NUP210: variants seen among roughly 807,000 people sequenced by gnomAD.
NUP210 encodes nuclear pore membrane glycoprotein 210.
Under a neutral mutation model 196.0 loss-of-function variants are expected in NUP210, and 151 were observed. The ratio of observed to expected loss-of-function variants is 0.77; its 90% CI spans 0.67 to 0.88. NUP210 has a LOEUF of 0.88. Among genes scored for constraint, NUP210 ranks in the 40% least tolerant of loss-of-function variants. The probability of loss-of-function intolerance (pLI) is 0.00; values close to 1 mark genes in which losing one functional copy is unlikely to be tolerated. For synonymous variants in NUP210, 1,070 were observed against 1,052.7 expected, an observed-to-expected ratio of 1.02 and a Z score of -0.32; for missense variants, 2,314 against 2,493.7, an observed-to-expected ratio of 0.93 and a Z score of 1.53.
Position 13,339,895 on chromosome 3 carries a change from C to T in NUP210, c.3430G>A (p.Ala1144Thr). The change falls in exon 25 of 40, where the codon GCA (alanine) becomes ACA (threonine). Residue 1144 changes from alanine to threonine, a missense_variant. Physicochemically the swap from Ala to Thr is moderately conservative, Grantham distance 58 (BLOSUM62 0). Coordinates refer to ENST00000254508, the MANE Select transcript of NUP210 (RefSeq NM_024923.4). ...ACCTTGCCGGTCTCTGCATCCACTG[C>T]CTGCACGAGCCCAGACACAGTGCCG... ...GNGTVSGLVQAVDAETGKVVI... is the reference protein window; with the variant it reads ...GNGTVSGLVQTVDAETGKVVI... The T allele has an allele frequency of 6.2e-7, 1 of 1,613,996 alleles. No individual in the cohort carries two copies. Among genetic ancestry groups the T allele is most frequent in the Non-Finnish European group, 8.5e-7 (1 of 1,180,032 alleles).
Position 13,391,315 on chromosome 3 carries a change from A to T in NUP210, c.437-8T>A. 6.3e-7 allele frequency: 1 copy of T among 1,582,486 alleles called. No individual in the cohort carries two copies. On this transcript the variant is annotated splice_region_variant and splice_polypyrimidine_tract_variant and intron_variant, in intron 3 of 39. Transcript: ENST00000254508. ...GAGTGCTGAAGGTGTTCCCTATAAG[A>T]GCAGATGGGAGAGGCAGACAGATAT...
At position 13,358,347 on chromosome 3, in the gene NUP210, G is replaced by C; in HGVS notation, c.2203C>G (p.Pro735Ala). 6.2e-7 allele frequency: 1 copy of C among 1,613,908 alleles called. No homozygotes were observed. The highest frequency in any genetic ancestry group is 8.5e-7 in the Non-Finnish European group (1 of 1,179,918). Residue 735 changes from proline to alanine, a missense_variant, in exon 16 of 40, where the codon CCT becomes GCT. Physicochemically the swap from Pro to Ala is conservative, Grantham distance 27 (BLOSUM62 -1). Coordinates refer to ENST00000254508, the MANE Select transcript of NUP210 (RefSeq NM_024923.4). ...GNKPSLTNPF[P>A]AVEPAVVKFV... Reference sequence around the variant, plus strand: ...TTCACCACGGCAGGCTCCACCGCAGGAAAGGGGTTGGTGAGGCTGGGCTTG... The same window carrying C: ...TTCACCACGGCAGGCTCCACCGCAGCAAAGGGGTTGGTGAGGCTGGGCTTG...
chr3:13,383,692 T>C (rs1051665310), intron 6 of NUP210, among the ~76,000 whole-genome samples: 5 of 151,826 alleles, frequency 3.3e-5, no homozygotes, highest in African/African-American at 1.2e-4. Flanking sequence ...GCCCAGCTAA[T>C]TTTTTTCTGT....
In NUP210 at chr3:13,328,837, T is replaced by C; in HGVS notation, c.4220A>G (p.His1407Arg). ...GACATCTCCAGAGTTGTCGTGGAAG[T>C]GGACAGTGAAGGTCACGGTCATTCC... is the stretch of plus-strand genomic sequence containing the variant. ...PLGMTVTFTV[H>R]FHDNSGDVFH... Residue 1407 changes from histidine to arginine, a missense_variant, in exon 31 of 40, where the codon CAC becomes CGC. Physicochemically the swap from His to Arg is conservative, Grantham distance 29. Transcript: ENST00000254508. 1 of 1,614,142 alleles carries C rather than the reference T, an allele frequency of 6.2e-7. No homozygotes were observed. Among genetic ancestry groups the C allele is most frequent in the Non-Finnish European group, 8.5e-7 (1 of 1,180,006 alleles).
intron 11 of NUP210, among the ~76,000 whole-genome samples, chr3:13,375,249 A>C (rs1179521423): frequency 6.6e-6 from 1 of 151,234 alleles, no homozygotes; most frequent in Non-Finnish European, 1.5e-5. Context: ...TCAGCCTCCG[A>C]AAGTGCTGGG....
intron 28 of NUP210, among the ~76,000 whole-genome samples, chr3:13,334,487 T>C (rs1697128541): frequency 6.6e-6 from 1 of 151,936 alleles, no homozygotes; most frequent in Admixed American, 6.6e-5. Context: ...TTTTTGTGGG[T>C]GTTTCTTTCT....
chr3:13,409,839 A>ATT lies in NUP210; in HGVS notation c.168-9979_168-9978insAA, dbSNP rs146104434. 4.7e-4 allele frequency among the ~76,000 whole-genome samples: 58 copies of ATT among 123,178 alleles called. 1 individual carries two copies. The highest frequency in any genetic ancestry group is 9.3e-4 in the African/African-American group (33 of 35,324). 80.8% of individuals were successfully genotyped at this position (123,178 alleles called of 152,430 possible). On this transcript the variant is annotated intron_variant, in intron 1 of 39. Transcript: ENST00000254508. ...CACCTCCAAATGTATCCTGAATACTAATTTTTTTTTTTTTGGAGACGGAGT... is the reference window on the plus strand; with the variant it reads ...CACCTCCAAATGTATCCTGAATACTATTATTTTTTTTTTTTTGGAGACGGAGT...
At chr3:13,375,019 A>C (rs1247843612) in intron 11 of NUP210, among the ~76,000 whole-genome samples, 1 of 152,220 alleles carries the variant, frequency 6.6e-6, no homozygotes, top group Admixed American at 6.5e-5. Context: ...TTATCCCTTA[A>C]ATTTTAATGT....
chr3:13,395,789 G>A (rs1699632749), intron 3 of NUP210, among the ~76,000 whole-genome samples: 1 of 152,216 alleles, frequency 6.6e-6, no homozygotes, highest in Non-Finnish European at 1.5e-5. Flanking sequence ...CTCTTGGGCA[G>A]GAGTGGAATT....
At chr3:13,319,403 C>G (rs1696413692) in intron 37 of NUP210, 78 bp from the exon 38 acceptor site, 2 of 1,217,134 alleles carry the variant, frequency 1.6e-6, no homozygotes, top group Non-Finnish European at 2.4e-6. Flanking sequence ...CCCTACTGTA[C>G]GTCTACAGGG....
At chr3:13,376,479 A>T in intron 9 of NUP210, 48 bp from the exon 10 acceptor site, 1 of 1,607,484 alleles carries the variant, frequency 6.2e-7, no homozygotes, top group East Asian at 2.2e-5. Context: ...GGGTGACTCC[A>T]GAAAGTCAGA....
intron 20 of NUP210, chr3:13,346,984 G>A (rs1300327182): frequency 2.0e-6 from 2 of 983,390 alleles, no homozygotes; most frequent in Non-Finnish European, 1.2e-6. Context: ...GACTGGGGAC[G>A]TGCACCACTG....
At chr3:13,358,421 A>T in intron 15 of NUP210, 26 bp from the exon 16 acceptor site, 1 of 1,582,754 alleles carries the variant, frequency 6.3e-7, no homozygotes, top group Non-Finnish European at 8.6e-7. Context: ...GAACAGTCAG[A>T]CCCCCAAGCT....
chr3:13,380,695 C>G (rs773395411), intron 6 of NUP210, among the ~76,000 whole-genome samples: 5 of 152,182 alleles, frequency 3.3e-5, no homozygotes, highest in East Asian at 1.9e-4. Flanking sequence ...AACATCTCTG[C>G]TTGGCCCTCC....
chr3:13,372,515 G>A (rs1265130731), intron 12 of NUP210, among the ~76,000 whole-genome samples: 2 of 152,216 alleles, frequency 1.3e-5, no homozygotes, highest in African/African-American at 4.8e-5. Context: ...TGAGGAGGCT[G>A]TTGGAAAGCC....
intron 36 of NUP210, 79 bp downstream of exon 36, chr3:13,321,506 C>T (rs1458825202): frequency 1.6e-5 from 24 of 1,482,326 alleles, no homozygotes; most frequent in East Asian, 4.6e-5. Context: ...AGGACATCCA[C>T]ACCACATTCC....
At chr3:13,337,953 C>T (rs1354025284) in intron 25 of NUP210, 36 bp from the exon 26 acceptor site, 1 of 1,582,850 alleles carries the variant, frequency 6.3e-7, no homozygotes, top group Admixed American at 1.7e-5. Context: ...TGTGGGGATG[C>T]AGTGCTGGCC....
In NUP210 at chr3:13,350,595, C is replaced by T. The variant is rs1370500036; in HGVS notation, c.2835+1284G>A. 6.6e-6 allele frequency among the ~76,000 whole-genome samples: 1 copy of T among 151,018 alleles called. No homozygotes were observed. The highest frequency in any genetic ancestry group is 1.5e-5 in the Non-Finnish European group (1 of 67,934). On this transcript the variant is annotated intron_variant, in intron 20 of 39. Coordinates refer to ENST00000254508, the MANE Select transcript of NUP210 (RefSeq NM_024923.4). This position sits in a 1 kb window ranked among gnomAD's most constrained non-coding sequence, Gnocchi z 4.1. ...CACCAGGCAAAGCCTTCCAACCAAACAACGATGAAGGGAGTAAAGGAAGAT... is the reference window on the plus strand; with the variant it reads ...CACCAGGCAAAGCCTTCCAACCAAATAACGATGAAGGGAGTAAAGGAAGAT...
chr3:13,400,159 G>A (rs1332822173), intron 1 of NUP210, among the ~76,000 whole-genome samples: 1 of 152,162 alleles, frequency 6.6e-6, no homozygotes. Flanking sequence ...GATGGCCACC[G>A]TCCAAGACTC....
Sources: allele counts gnomAD v4.1 joint callset (sites outside exome capture counted in the v4.1 genomes callset), GRCh38; gene constraint gnomAD v4.1.1; non-coding constraint Gnocchi (gnomAD v3.1); transcripts MANE v1.5; gene names NCBI Gene and HGNC (gene_info 2026-07-23, HGNC 2026-07-21).